The following ALG13 variants were observed in gnomAD, a reference collection of about 807,000 sequenced individuals.
The protein encoded by ALG13 is ALG13 UDP-N-acetylglucosaminyltransferase subunit, also known as UDP-N-acetylglucosamine transferase subunit ALG13.
ALG13 carries 11 observed loss-of-function variants against 87.8 expected under a neutral mutation model. The ratio of observed to expected loss-of-function variants is 0.13; its 90% CI spans 0.08 to 0.21. The LOEUF is 0.21. ALG13 is among the 10% of genes least tolerant of loss of function. The pLI, the probability that ALG13 is intolerant of heterozygous loss-of-function variation, is 1.00. For synonymous variants in ALG13, 320 were observed against 306.3 expected (o/e 1.04, Z -0.47); for missense variants, 756 against 866.1 (o/e 0.87, Z 1.60).
intron 24 of ALG13, among the ~76,000 whole-genome samples, chrX:111,746,819 A>G (rs1173255306): frequency 1.8e-5 from 2 of 112,016 alleles, no homozygotes; most frequent in Non-Finnish European, 3.8e-5. Context: ...GAATTCCAGT[A>G]GTTTCTCTTG....
intron 25 of ALG13, 179 bp from the exon 26 acceptor site, chrX:111,757,409 A>G (rs779009735): frequency 3.0e-4 from 101 of 339,653 alleles, no homozygotes; most frequent in African/African-American, 1.5e-3. Flanking sequence ...AAAAGATCCT[A>G]AAGTTCTAAT....
At chrX:111,707,451 T>C (rs910720296) in intron 3 of ALG13, among the ~76,000 whole-genome samples, 4 of 112,234 alleles carry the variant, frequency 3.6e-5, no homozygotes, top group Non-Finnish European at 5.6e-5. Flanking sequence ...GAGATTATTA[T>C]CTAGAATTAA....
At chrX:111,743,938 T>C (rs1323189337) in intron 23 of ALG13, 1 of 111,715 alleles carries the variant, frequency 9.0e-6, no homozygotes, top group African/African-American at 3.3e-5. Context: ...TTGCGTGTTA[T>C]GTCATACATA....
intron 3 of ALG13, among the ~76,000 whole-genome samples, chrX:111,692,098 C>T (rs1936254073): frequency 9.0e-6 from 1 of 111,047 alleles, no homozygotes. Context: ...CAAGGTGTGC[C>T]CCAAACTGAA....
chrX:111,681,320 G>C, intron 1 of ALG13, 21 bp downstream of exon 1: 2 of 1,210,205 alleles, frequency 1.7e-6, no homozygotes, highest in South Asian at 1.8e-5. Context: ...GAGGCGAGCA[G>C]GCGGCGGCTT....
chrX:111,710,495 G>C (rs1939558617), intron 5 of ALG13, among the ~76,000 whole-genome samples: 1 of 111,299 alleles, frequency 9.0e-6, no homozygotes, highest in African/African-American at 3.3e-5. Flanking sequence ...TATACTGTTT[G>C]ATTTCCCTTA....
At chrX:111,712,942 A>G (rs1940025679) in intron 7 of ALG13, among the ~76,000 whole-genome samples, 1 of 111,194 alleles carries the variant, frequency 9.0e-6, no homozygotes, top group Non-Finnish European at 1.9e-5. Context: ...CCCAACTCAC[A>G]GACATACATA....
chrX:111,695,612 G>A (rs910562764), intron 3 of ALG13, among the ~76,000 whole-genome samples: 4 of 111,034 alleles, frequency 3.6e-5, no homozygotes, highest in African/African-American at 1.3e-4. Context: ...AAAAAAATCT[G>A]TATTGTCATG....
chrX:111,708,324 C>T lies in ALG13; in HGVS notation c.681C>T (p.Gly227=), dbSNP rs1939140318. Residue 227 remains glycine, a synonymous_variant, in exon 4 of 27, where the codon GGC becomes GGT. Transcript: ENST00000394780. ...AGGCATCAATGGATGAATATTTAGG[C>T]AGCTTAGGGCTGTTTCGAAAGCTGA... ...LNEASMDEYL[G]SLGLFRKLTA... 8.3e-7 allele frequency: 1 copy of T among 1,211,497 alleles called. No homozygotes were observed. Among genetic ancestry groups the T allele is most frequent in the Admixed American group, 2.2e-5 (1 of 46,056 alleles).
chrX:111,744,734 C>A lies in ALG13; in HGVS notation c.2762C>A (p.Pro921Gln). ...IPHAGASLPPPPPPPPPPPPP... is the reference protein window; with the variant it reads ...IPHAGASLPPQPPPPPPPPPP... ...CATGCTGGTGCCTCTCTACCACCAC[C>A]ACCACCACCACCACCACCACCACCA... The change falls in exon 24 of 27, where the codon CCA (proline) becomes CAA (glutamine). Residue 921 changes from proline (P) to glutamine (Q), a missense_variant. Pro to Gln is a moderately conservative substitution (Grantham distance 76, BLOSUM62 -1). Transcript: ENST00000394780. 1 of 1,017,715 alleles carries A rather than the reference C, an allele frequency of 9.8e-7. No individual in the cohort carries two copies. 83.9% of individuals were successfully genotyped at this position (1,017,715 alleles called of 1,213,427 possible). A position where few individuals can be genotyped will look rare whatever the true frequency, so the allele number is the denominator to read the frequency against.
At position 111,722,740 on chromosome X, in the gene ALG13, T is replaced by C. The variant is rs1412262600; in HGVS notation, c.1436-53T>C. The stretch of plus-strand genomic sequence containing the variant: ...AAAAGTAAATGAGGAAATTAAATGA[T>C]ATAGGAAAGGAACCAGTTTAGTTGA... On this transcript the variant is annotated intron_variant, in intron 12 of 26. Coordinates refer to ENST00000394780, the MANE Select transcript of ALG13 (RefSeq NM_001099922.3). 7.3e-5 allele frequency: 62 copies of C among 853,458 alleles called. No individual in the cohort carries two copies. In the East Asian group the frequency reaches 2.0e-3, roughly 27 times the overall value. 70.3% of individuals were successfully genotyped at this position (853,458 alleles called of 1,213,427 possible).
At chrX:111,699,346 C>T (rs1413554319) in intron 3 of ALG13, among the ~76,000 whole-genome samples, 1 of 110,653 alleles carries the variant, frequency 9.0e-6, no homozygotes, top group Non-Finnish European at 1.9e-5. Context: ...GTTGTCTCTT[C>T]ACTTTGTTAA....
At chrX:111,712,239 A>T (rs1939892584) in intron 6 of ALG13, among the ~76,000 whole-genome samples, 1 of 111,950 alleles carries the variant, frequency 8.9e-6, no homozygotes, top group Non-Finnish European at 1.9e-5. Context: ...TTGTGTTTTT[A>T]AAATCTCTCC....
chrX:111,684,926 T>C (rs1490029072), intron 2 of ALG13, 39 bp from the exon 3 acceptor site: 3 of 1,165,513 alleles, frequency 2.6e-6, no homozygotes, highest in African/African-American at 3.6e-5. Flanking sequence ...CCTTAACTTA[T>C]TTCAAATTGT....
At chrX:111,685,914 C>T (rs1934807525) in intron 3 of ALG13, among the ~76,000 whole-genome samples, 2 of 111,764 alleles carry the variant, frequency 1.8e-5, no homozygotes, top group African/African-American at 6.5e-5. Flanking sequence ...ATTAGTGTTG[C>T]AGGAGCATAG....
chrX:111,693,460 G>A (rs187591014), intron 3 of ALG13, among the ~76,000 whole-genome samples: 2 of 109,409 alleles, frequency 1.8e-5, no homozygotes, highest in East Asian at 5.8e-4. Context: ...TGGCCAGGCT[G>A]GTCTTAAACT....
At chrX:111,698,409 ATAT>A (rs1192371158) in intron 3 of ALG13, among the ~76,000 whole-genome samples, 1 of 111,293 alleles carries the variant, frequency 9.0e-6, no homozygotes, top group Non-Finnish European at 1.9e-5. Flanking sequence ...AGTACACAAT[ATAT>A]TATTATTGAC....
intron 3 of ALG13, among the ~76,000 whole-genome samples, chrX:111,700,356 A>G (rs1937612021): frequency 9.1e-6 from 1 of 110,059 alleles, no homozygotes; most frequent in African/African-American, 3.3e-5. Flanking sequence ...TTCTAGTAGG[A>G]TGTGTTTTCT....
chrX:111,700,751 A>ATT (rs772630509), intron 3 of ALG13, among the ~76,000 whole-genome samples: 1,556 of 50,676 alleles, frequency 0.031, 70 homozygotes, highest in African/African-American at 0.095. Flanking sequence ...TAATTTTTGT[A>ATT]TTTTTTTTTT....
Sources: allele counts gnomAD v4.1 joint callset (sites outside exome capture counted in the v4.1 genomes callset), GRCh38; gene constraint gnomAD v4.1.1; transcripts MANE v1.5; gene names NCBI Gene and HGNC (gene_info 2026-07-23, HGNC 2026-07-21).